Variants in TNS3 observed in about 807,000 individuals in gnomAD.
TNS3 encodes the protein tensin-3.
Under a neutral mutation model 140.9 loss-of-function variants are expected in TNS3, and 45 were observed. That is an observed-to-expected ratio of 0.32 (90% CI 0.25 to 0.41). The LOEUF is 0.41. Among genes scored for constraint, TNS3 ranks in the 10% least tolerant of loss-of-function variants. The probability of loss-of-function intolerance (pLI) is 1.00; values close to 1 mark genes in which losing one functional copy is unlikely to be tolerated. For missense variants in TNS3, 1,716 were observed against 1,906.7 expected (o/e 0.90, Z 1.86); for synonymous variants, 815 against 788.4 (o/e 1.03, Z -0.56).
intron 17 of TNS3, among the ~76,000 whole-genome samples, chr7:47,346,873 C>T (rs1462965509): frequency 6.6e-6 from 1 of 152,206 alleles, no homozygotes. Flanking sequence ...TTATTTCAAG[C>T]ATCAACAATA....
At chr7:47,297,056 A>G in intron 24 of TNS3, 26 bp downstream of exon 24, 1 of 1,613,730 alleles carries the variant, frequency 6.2e-7, no homozygotes, top group Non-Finnish European at 8.5e-7. Flanking sequence ...TGAGCTGAAC[A>G]GATCAATAGG....
At chr7:47,543,420 C>T (rs759480833) in intron 1 of TNS3, among the ~76,000 whole-genome samples, 9 of 152,212 alleles carry the variant, frequency 5.9e-5, no homozygotes, top group African/African-American at 1.9e-4. Context: ...ACCTGAAAGA[C>T]TGGAGAGGTG....
At chr7:47,468,020 C>T (rs1189183658) in intron 4 of TNS3, among the ~76,000 whole-genome samples, 1 of 152,082 alleles carries the variant, frequency 6.6e-6, no homozygotes, top group Non-Finnish European at 1.5e-5. Flanking sequence ...TTGTCACATG[C>T]CAACTTCTCT....
intron 8 of TNS3, among the ~76,000 whole-genome samples, chr7:47,429,544 T>G (rs1489662671): frequency 6.6e-6 from 1 of 152,116 alleles, no homozygotes; most frequent in Non-Finnish European, 1.5e-5. Context: ...ATTTTTTGTA[T>G]TTTTAGTAGA....
Position 47,303,118 on chromosome 7 carries a change from G to C in TNS3, c.3289C>G (p.Pro1097Ala). ...GQGVTLPGQP[P>A]LPEKKRASEG... Reference sequence around the variant, plus strand: ...GAGGCCCGCTTCTTCTCAGGGAGGGGTGGCTGCCCGGGCAGGGTCACACCC... The same window carrying C: ...GAGGCCCGCTTCTTCTCAGGGAGGGCTGGCTGCCCGGGCAGGGTCACACCC... Residue 1097 changes from proline (P) to alanine (A), a missense_variant, in exon 22 of 31, where the codon CCC (proline) becomes GCC (alanine). Pro to Ala is a conservative substitution (Grantham distance 27, BLOSUM62 -1). Transcript: ENST00000311160. 4 of 1,614,044 alleles carry C rather than the reference G, an allele frequency of 2.5e-6. No homozygotes were observed. Among genetic ancestry groups the C allele is most frequent in the Non-Finnish European group, 3.4e-6 (4 of 1,179,954 alleles).
At chr7:47,437,745 TACACACACACACACACACACACAC>T (rs67341898) in intron 6 of TNS3, among the ~76,000 whole-genome samples, 3 of 135,814 alleles carry the variant, frequency 2.2e-5, no homozygotes, top group African/African-American at 8.2e-5. Flanking sequence ...ACATATAGGA[TACACACACACACACACACACACAC>T]ACACACACAC....
At chr7:47,325,151 C>T (rs1385122648) in intron 20 of TNS3, among the ~76,000 whole-genome samples, 1 of 152,140 alleles carries the variant, frequency 6.6e-6, no homozygotes, top group Non-Finnish European at 1.5e-5. Flanking sequence ...CTTCCAGAAG[C>T]AAGCCTTATC....
intron 1 of TNS3, among the ~76,000 whole-genome samples, chr7:47,561,225 A>G (rs1171666070): frequency 2.6e-5 from 4 of 152,214 alleles, no homozygotes; most frequent in Admixed American, 1.3e-4. Context: ...AGTTGGACAC[A>G]TGGAGCACAG....
At chr7:47,416,013 T>C (rs1332285985) in intron 10 of TNS3, among the ~76,000 whole-genome samples, 1 of 152,270 alleles carries the variant, frequency 6.6e-6, no homozygotes. Context: ...GTCCTGCCTG[T>C]TGGTGCCCTG....
chr7:47,569,130 T>G (rs900473571), intron 1 of TNS3, among the ~76,000 whole-genome samples: 3 of 152,232 alleles, frequency 2.0e-5, no homozygotes, highest in African/African-American at 7.2e-5. Context: ...CCCGATGCAG[T>G]ATTTGTGAAC....
At chr7:47,424,320 C>A (rs2151477163) in intron 9 of TNS3, 136 bp from the exon 10 acceptor site, 1 of 700,840 alleles carries the variant, frequency 1.4e-6, no homozygotes, top group African/African-American at 1.8e-5. Flanking sequence ...TGCACCTGTG[C>A]ACACCCAATC....
chr7:47,283,656 C>A, intron 28 of TNS3, 41 bp downstream of exon 28: 1 of 1,492,278 alleles, frequency 6.7e-7, no homozygotes, highest in Non-Finnish European at 8.9e-7. Flanking sequence ...GTGACAGCCC[C>A]GCCCCTGCTG....
intron 16 of TNS3, among the ~76,000 whole-genome samples, chr7:47,389,006 GAAGAAGAAGAAGAAGAAGAAGAAGAA>G (rs1792262342): frequency 8.3e-4 from 2 of 2,396 alleles, no homozygotes; most frequent in African/African-American, 1.1e-3. Flanking sequence ...GAAGAAGGAA[GAAGAAGAAGAAGAAGAAGAAGAAGAA>G]GAAGAAGAAG....
chr7:47,542,856 G>A (rs1799825992), intron 1 of TNS3, among the ~76,000 whole-genome samples: 1 of 151,176 alleles, frequency 6.6e-6, no homozygotes, highest in Non-Finnish European at 1.5e-5. Context: ...TGTGAATCCA[G>A]GAGGCAGAGG....
chr7:47,507,832 C>T (rs892393020), intron 2 of TNS3, among the ~76,000 whole-genome samples: 3 of 152,316 alleles, frequency 2.0e-5, no homozygotes, highest in Non-Finnish European at 2.9e-5. Flanking sequence ...CCTTCCCCCA[C>T]GTTTGCCAGC....
intron 10 of TNS3, among the ~76,000 whole-genome samples, chr7:47,419,112 T>G (rs1161021046): frequency 6.6e-6 from 1 of 152,274 alleles, no homozygotes; most frequent in African/African-American, 2.4e-5. Flanking sequence ...TAATGAGACC[T>G]ACACATTGGA....
chr7:47,287,800 A>G (rs1785495835), intron 27 of TNS3, among the ~76,000 whole-genome samples: 1 of 152,244 alleles, frequency 6.6e-6, no homozygotes, highest in African/African-American at 2.4e-5. Flanking sequence ...CAAGGCAGTC[A>G]TAATTTAAGC....
At chr7:47,496,854 G>A (rs563348008) in intron 3 of TNS3, among the ~76,000 whole-genome samples, 7 of 152,346 alleles carry the variant, frequency 4.6e-5, no homozygotes, top group South Asian at 4.1e-4. Flanking sequence ...GTCCTCTGTG[G>A]GGTGAGCCAA....
At chr7:47,341,626 A>C (rs1455420097) in intron 20 of TNS3, among the ~76,000 whole-genome samples, 1 of 151,960 alleles carries the variant, frequency 6.6e-6, no homozygotes, top group Non-Finnish European at 1.5e-5. Flanking sequence ...TTTTTTTGTT[A>C]GTCTTGCTAG....
Sources: allele counts gnomAD v4.1 joint callset (sites outside exome capture counted in the v4.1 genomes callset), GRCh38; gene constraint gnomAD v4.1.1; transcripts MANE v1.5; gene names NCBI Gene and HGNC (gene_info 2026-07-23, HGNC 2026-07-21).